The following ITPR2 variants were observed in gnomAD, a reference collection of about 807,000 sequenced individuals.
ITPR2 encodes inositol 1,4,5-trisphosphate-gated calcium channel ITPR2.
ITPR2 carries 207 observed loss-of-function variants against 317.1 expected under a neutral mutation model. That is an observed-to-expected ratio of 0.65 (90% CI 0.58 to 0.73). The LOEUF (loss-of-function observed/expected upper bound fraction) is 0.73. Among genes scored for constraint, ITPR2 ranks in the 30% least tolerant of loss-of-function variants. The pLI is 0.00. For missense variants in ITPR2, 2,613 were observed against 3,284.0 expected (o/e 0.80, Z 4.99); for synonymous variants, 1,156 against 1,149.1 (o/e 1.01, Z -0.12).
intron 54 of ITPR2, among the ~76,000 whole-genome samples, chr12:26,389,205 G>T (rs1275163413): frequency 6.6e-6 from 1 of 152,058 alleles, no homozygotes; most frequent in African/African-American, 2.4e-5. Context: ...AAACCTAAGA[G>T]AAATGGTGTC....
chr12:26,649,763 G>A (rs994922938), intron 21 of ITPR2, among the ~76,000 whole-genome samples: 3 of 149,230 alleles, frequency 2.0e-5, no homozygotes, highest in African/African-American at 7.4e-5. Context: ...GATGTTACAG[G>A]ATAGATAGAC....
intron 26 of ITPR2, among the ~76,000 whole-genome samples, chr12:26,616,474 T>C (rs1255214469): frequency 6.6e-6 from 1 of 152,164 alleles, no homozygotes; most frequent in East Asian, 1.9e-4. Flanking sequence ...CAAGTAATTC[T>C]AAGAGAAAGA....
chr12:26,503,816 A>G (rs1248269922), intron 37 of ITPR2, among the ~76,000 whole-genome samples: 1 of 152,252 alleles, frequency 6.6e-6, no homozygotes, highest in Non-Finnish European at 1.5e-5. Flanking sequence ...TTTAAAGGAA[A>G]GCATTAATAA....
intron 34 of ITPR2, among the ~76,000 whole-genome samples, chr12:26,565,733 T>G (rs1422668935): frequency 2.0e-5 from 3 of 150,680 alleles, no homozygotes; most frequent in African/African-American, 7.3e-5. Context: ...AGTCCAGGAG[T>G]TTGAGGTTGT....
At chr12:26,397,252 G>A (rs535458237) in intron 54 of ITPR2, among the ~76,000 whole-genome samples, 12 of 152,002 alleles carry the variant, frequency 7.9e-5, no homozygotes, top group Non-Finnish European at 1.5e-4. Flanking sequence ...TGAACTTTAC[G>A]TCAGCAACAC....
intron 32 of ITPR2, 122 bp from the exon 33 acceptor site, chr12:26,580,277 G>T: frequency 1.2e-6 from 1 of 838,172 alleles, no homozygotes; most frequent in Non-Finnish European, 1.8e-6. Flanking sequence ...GCTTTTTAAA[G>T]TTGCTGAGAA....
chr12:26,647,798 T>C (rs1565663540), intron 21 of ITPR2, among the ~76,000 whole-genome samples: 2 of 152,370 alleles, frequency 1.3e-5, no homozygotes, highest in Middle Eastern at 6.8e-3. Context: ...ATTGGATTGA[T>C]AGTCCTGAAG....
At chr12:26,646,752 CAAAGAA>C (rs1947122657) in intron 21 of ITPR2, among the ~76,000 whole-genome samples, 2 of 152,082 alleles carry the variant, frequency 1.3e-5, no homozygotes. Context: ...TCTGAATCCT[CAAAGAA>C]AAAGAAATCC....
intron 55 of ITPR2, among the ~76,000 whole-genome samples, chr12:26,345,408 G>A (rs1938273694): frequency 6.6e-6 from 1 of 152,034 alleles, no homozygotes; most frequent in Admixed American, 6.6e-5. Flanking sequence ...TATGATGAAG[G>A]ATAATTTATA....
intron 46 of ITPR2, among the ~76,000 whole-genome samples, chr12:26,439,843 A>G (rs1406600431): frequency 1.3e-5 from 2 of 152,192 alleles, no homozygotes; most frequent in Non-Finnish European, 2.9e-5. Context: ...ATATTTTTGT[A>G]GCTACAACAT....
chr12:26,380,248 CACAA>C (rs1375378887), intron 55 of ITPR2, among the ~76,000 whole-genome samples: 1 of 152,152 alleles, frequency 6.6e-6, no homozygotes, highest in Non-Finnish European at 1.5e-5. Context: ...GTCTCTGTTT[CACAA>C]ACTAATAAGA....
intron 45 of ITPR2, among the ~76,000 whole-genome samples, chr12:26,466,147 C>G (rs1039340285): frequency 6.6e-6 from 1 of 152,174 alleles, no homozygotes; most frequent in Non-Finnish European, 1.5e-5. Context: ...ATTAAACACA[C>G]TTCAACATTA....
chr12:26,584,703 G>A (rs1945479938), intron 32 of ITPR2, among the ~76,000 whole-genome samples: 1 of 152,116 alleles, frequency 6.6e-6, no homozygotes, highest in Non-Finnish European at 1.5e-5. Flanking sequence ...TGCAACTGAG[G>A]AACTGAATTT....
chr12:26,794,910 C>A (rs1950404263), intron 1 of ITPR2, among the ~76,000 whole-genome samples: 1 of 152,198 alleles, frequency 6.6e-6, no homozygotes, highest in South Asian at 2.1e-4. Context: ...TCTTACATAT[C>A]CACATACTCT....
intron 1 of ITPR2, among the ~76,000 whole-genome samples, chr12:26,830,307 A>G (rs1951080353): frequency 6.6e-6 from 1 of 152,276 alleles, no homozygotes; most frequent in Non-Finnish European, 1.5e-5. Flanking sequence ...TAGAAAAACA[A>G]TATATTGCAC....
chr12:26,744,915 A>T (rs1015365178), intron 2 of ITPR2, among the ~76,000 whole-genome samples: 49 of 152,236 alleles, frequency 3.2e-4, no homozygotes, highest in Admixed American at 2.8e-3. Flanking sequence ...GTGAGTATGG[A>T]GGACAACAAT....
At chr12:26,496,714 C>A (rs569228766) in intron 37 of ITPR2, among the ~76,000 whole-genome samples, 42 of 151,948 alleles carry the variant, frequency 2.8e-4, no homozygotes, top group African/African-American at 9.6e-4. Flanking sequence ...GAGGCCGAGG[C>A]GGGCAGATCA....
chr12:26,351,401 C>A (rs1591954606), intron 55 of ITPR2, among the ~76,000 whole-genome samples: 1 of 152,224 alleles, frequency 6.6e-6, no homozygotes, highest in East Asian at 1.9e-4. Flanking sequence ...CCAGCATTCT[C>A]CCGGATCCCT....
chr12:26,608,907 G>A (rs546082460), intron 26 of ITPR2, among the ~76,000 whole-genome samples: 43 of 152,052 alleles, frequency 2.8e-4, no homozygotes, highest in Non-Finnish European at 5.4e-4. Flanking sequence ...AATGTAGAAA[G>A]CATGGGGAAC....
Sources: allele counts gnomAD v4.1 joint callset (sites outside exome capture counted in the v4.1 genomes callset), GRCh38; gene constraint gnomAD v4.1.1; transcripts MANE v1.5; gene names NCBI Gene and HGNC (gene_info 2026-07-23, HGNC 2026-07-21).